The following CNTNAP2 variants were observed in gnomAD, a reference collection of about 807,000 sequenced individuals.
CNTNAP2 encodes contactin associated protein 2.
CNTNAP2 carries 98 observed loss-of-function variants against 155.2 expected under a neutral mutation model. The ratio of observed to expected loss-of-function variants is 0.63; its 90% CI spans 0.54 to 0.75. CNTNAP2 has a LOEUF of 0.75. Ranked by LOEUF, CNTNAP2 falls within the 30% of genes least tolerant of loss-of-function variation. The pLI is 0.00. For missense variants in CNTNAP2, 1,727 were observed against 1,688.1 expected, an observed-to-expected ratio of 1.02 and a Z score of -0.40; for synonymous variants, 651 against 631.2, an observed-to-expected ratio of 1.03 and a Z score of -0.47.
Position 146,603,138 on chromosome 7 carries a change from C to T in CNTNAP2, c.98-171133C>T, listed in dbSNP as rs1026517104. 3.3e-5 allele frequency among the ~76,000 whole-genome samples: 5 copies of T among 151,378 alleles called. 1 individual carries two copies. The highest frequency in any genetic ancestry group is 7.4e-5 in the Non-Finnish European group (5 of 67,908). On this transcript the variant is annotated intron_variant, in intron 1 of 23. Transcript: ENST00000361727. ...AATTTAAAATATTGCGATAGCTGGG[C>T]GAGGTGGCTCACGCCTGTAATCCCA...
Position 147,535,877 on chromosome 7 carries a change from C to T in CNTNAP2, c.1778-26261C>T, listed in dbSNP as rs1168129212. On this transcript the variant is annotated intron_variant, in intron 11 of 23. Transcript: ENST00000361727. ...TACTGGAACAGACGTAAAAGACAGG[C>T]GTTGCCAGGAAATAGGGATTTACTA... Among the ~76,000 whole-genome samples, 4 of 151,604 alleles carry T rather than the reference C, an allele frequency of 2.6e-5. No individual in the cohort carries two copies. In the East Asian group the frequency reaches 5.8e-4, roughly 22 times the overall value.
intron 4 of CNTNAP2, among the ~76,000 whole-genome samples, chr7:147,085,113 T>C (rs1447883278): frequency 1.3e-5 from 2 of 152,214 alleles, no homozygotes; most frequent in Non-Finnish European, 2.9e-5. Context: ...CTGATGTCTT[T>C]TGGTTTGAGA....
At chr7:146,369,746 T>C (rs1452400832) in intron 1 of CNTNAP2, among the ~76,000 whole-genome samples, 1 of 152,176 alleles carries the variant, frequency 6.6e-6, no homozygotes, top group Admixed American at 6.5e-5. Flanking sequence ...CTGTTGGTTA[T>C]TTTTTACTGA....
intron 2 of CNTNAP2, among the ~76,000 whole-genome samples, chr7:146,827,486 C>CT (rs745726999): frequency 9.3e-5 from 14 of 150,198 alleles, no homozygotes; most frequent in Non-Finnish European, 2.1e-4. Context: ...TCTGCGTGGA[C>CT]AAGAATGTTT....
At chr7:146,702,617 A>T (rs1800896413) in intron 1 of CNTNAP2, among the ~76,000 whole-genome samples, 1 of 152,056 alleles carries the variant, frequency 6.6e-6, no homozygotes, top group South Asian at 2.1e-4. Flanking sequence ...TTCATTTTTA[A>T]TTATCTTAAA....
chr7:146,326,653 A>G (rs955622860), intron 1 of CNTNAP2, among the ~76,000 whole-genome samples: 1 of 152,230 alleles, frequency 6.6e-6, no homozygotes, highest in Non-Finnish European at 1.5e-5. Flanking sequence ...ACAGGTACAT[A>G]CACCAATCAA....
intron 14 of CNTNAP2, 144 bp downstream of exon 14, chr7:147,903,865 G>A: frequency 9.4e-7 from 1 of 1,064,364 alleles, no homozygotes. Context: ...ACTGACAAAT[G>A]TCAGGAACAT....
chr7:146,322,860 G>A (rs117423621), intron 1 of CNTNAP2, among the ~76,000 whole-genome samples: 12 of 151,854 alleles, frequency 7.9e-5, no homozygotes, highest in Non-Finnish European at 1.3e-4. Flanking sequence ...TTATGAACTG[G>A]AAATCAGAGG....
chr7:146,347,521 A>G (rs1046190152), intron 1 of CNTNAP2, among the ~76,000 whole-genome samples: 3 of 152,076 alleles, frequency 2.0e-5, no homozygotes, highest in African/African-American at 7.2e-5. Context: ...GCTTACAATA[A>G]GTTATTTTTC....
chr7:148,270,248 G>GT (rs1305229969), intron 21 of CNTNAP2, among the ~76,000 whole-genome samples: 2 of 152,210 alleles, frequency 1.3e-5, no homozygotes, highest in Non-Finnish European at 2.9e-5. Flanking sequence ...AGCTAAAAGT[G>GT]TACCATGAGC....
chr7:147,250,549 C>A (rs768496007), intron 8 of CNTNAP2, among the ~76,000 whole-genome samples: 33 of 151,786 alleles, frequency 2.2e-4, no homozygotes, highest in Non-Finnish European at 3.2e-4. Flanking sequence ...CCCACCCCCC[C>A]ATCTGACAGT....
At chr7:147,674,413 G>GT (rs1445732054) in intron 13 of CNTNAP2, among the ~76,000 whole-genome samples, 2 of 152,112 alleles carry the variant, frequency 1.3e-5, no homozygotes, top group African/African-American at 4.8e-5. Context: ...TATTACTATA[G>GT]TTTCTGCCTC....
At chr7:146,275,191 A>G (rs1452679126) in intron 1 of CNTNAP2, among the ~76,000 whole-genome samples, 1 of 152,182 alleles carries the variant, frequency 6.6e-6, no homozygotes, top group Non-Finnish European at 1.5e-5. Flanking sequence ...AAGATTTTTC[A>G]CATGGATCTT....
At chr7:147,787,009 AAG>A (rs58597648) in intron 13 of CNTNAP2, among the ~76,000 whole-genome samples, 13,254 of 150,396 alleles carry the variant, frequency 0.088, 614 homozygotes, top group South Asian at 0.11. Context: ...GGGAGGGAAA[AAG>A]AGAGAGAGAG....
chr7:146,724,031 A>G (rs965881868), intron 1 of CNTNAP2, among the ~76,000 whole-genome samples: 2 of 152,136 alleles, frequency 1.3e-5, no homozygotes, highest in African/African-American at 4.8e-5. Context: ...TGGAATTCAA[A>G]CGTTACTACC....
At chr7:147,963,218 G>A (rs538752525) in intron 14 of CNTNAP2, among the ~76,000 whole-genome samples, 2 of 152,162 alleles carry the variant, frequency 1.3e-5, no homozygotes, top group East Asian at 3.9e-4. Flanking sequence ...AATCCAAAAA[G>A]TAGGATACAT....
At chr7:146,875,967 A>AAAAAAAAAAC in intron 3 of CNTNAP2, among the ~76,000 whole-genome samples, 1 of 149,318 alleles carries the variant, frequency 6.7e-6, no homozygotes, top group Non-Finnish European at 1.5e-5. Flanking sequence ...AAAAACAAAA[A>AAAAAAAAAAC]ACAAAAAAAC....
intron 15 of CNTNAP2, among the ~76,000 whole-genome samples, chr7:148,006,573 C>T (rs1472243463): frequency 2.6e-5 from 4 of 150,988 alleles, no homozygotes; most frequent in Admixed American, 1.3e-4. Context: ...CCTGCCTCGG[C>T]CTTCCAAAGT....
intron 19 of CNTNAP2, among the ~76,000 whole-genome samples, chr7:148,218,208 T>A (rs528496579): frequency 1.3e-5 from 2 of 152,376 alleles, no homozygotes; most frequent in African/African-American, 4.8e-5. Context: ...GGGCTTTGAA[T>A]GAGTAAAATT....
Sources: allele counts gnomAD v4.1 joint callset (sites outside exome capture counted in the v4.1 genomes callset), GRCh38; gene constraint gnomAD v4.1.1; transcripts MANE v1.5; gene names NCBI Gene and HGNC (gene_info 2026-07-23, HGNC 2026-07-21).